FGF14: variants seen among roughly 807,000 people sequenced by gnomAD.
FGF14 encodes fibroblast growth factor homologous factor 4.
FGF14 carries 5 observed loss-of-function variants against 25.5 expected under a neutral mutation model. The observed-to-expected ratio is 0.20, with a 90% confidence interval of 0.10 to 0.41. The LOEUF is 0.41. FGF14 is among the 10% of genes least tolerant of loss of function. The pLI, the probability that FGF14 is intolerant of heterozygous loss-of-function variation, is 1.00. For synonymous variants in FGF14, 138 were observed against 118.3 expected, an observed-to-expected ratio of 1.17 and a Z score of -1.08; for missense variants, 222 against 320.1, an observed-to-expected ratio of 0.69 and a Z score of 2.34.
At chr13:102,148,215 GA>G (rs34933122) in intron 1 of FGF14, among the ~76,000 whole-genome samples, 33 of 151,836 alleles carry the variant, frequency 2.2e-4, no homozygotes, top group Non-Finnish European at 3.2e-4. Flanking sequence ...AACTTGGGGG[GA>G]AAAAAAGTCA....
At chr13:101,791,668 C>G (rs1319591458) in intron 3 of FGF14, among the ~76,000 whole-genome samples, 1 of 152,164 alleles carries the variant, frequency 6.6e-6, no homozygotes, top group Non-Finnish European at 1.5e-5. Flanking sequence ...ACCAAGATCA[C>G]TCAAGATGAC....
intron 1 of FGF14, among the ~76,000 whole-genome samples, chr13:102,318,224 C>G (rs1224110107): frequency 1.3e-5 from 2 of 152,130 alleles, no homozygotes; most frequent in African/African-American, 4.8e-5. Flanking sequence ...CTGGAAGGAG[C>G]CAGAATTCAG....
intron 1 of FGF14, among the ~76,000 whole-genome samples, chr13:102,117,847 C>G (rs1326954742): frequency 6.6e-6 from 1 of 152,062 alleles, no homozygotes; most frequent in African/African-American, 2.4e-5. Context: ...CAAAAAGAAA[C>G]AGTGGCAGTA....
At chr13:101,882,276 A>G (rs1042345736) in intron 1 of FGF14, among the ~76,000 whole-genome samples, 1 of 152,126 alleles carries the variant, frequency 6.6e-6, no homozygotes, top group African/African-American at 2.4e-5. Context: ...GACCGTATTA[A>G]TTTGTTCTTC....
chr13:101,788,843 T>C (rs1402250370), intron 3 of FGF14, among the ~76,000 whole-genome samples: 1 of 139,634 alleles, frequency 7.2e-6, no homozygotes, highest in African/African-American at 2.6e-5. Context: ...GAAATCCTAA[T>C]TCTTTAATGT....
intron 3 of FGF14, among the ~76,000 whole-genome samples, chr13:101,861,780 C>T (rs773672717): frequency 1.3e-5 from 2 of 152,042 alleles, no homozygotes; most frequent in Admixed American, 6.6e-5. Flanking sequence ...ACAAATGTTT[C>T]GTAGTTTTCA....
At chr13:102,362,331 A>T (rs2057590310) in intron 1 of FGF14, among the ~76,000 whole-genome samples, 1 of 152,118 alleles carries the variant, frequency 6.6e-6, no homozygotes, top group African/African-American at 2.4e-5. Flanking sequence ...TTATTATTCA[A>T]GCCTATGTCA....
At chr13:102,190,745 T>G (rs2049088846) in intron 1 of FGF14, among the ~76,000 whole-genome samples, 1 of 152,136 alleles carries the variant, frequency 6.6e-6, no homozygotes, top group Non-Finnish European at 1.5e-5. Flanking sequence ...CTTCCAAATA[T>G]CTGCTCCTCC....
intron 1 of FGF14, among the ~76,000 whole-genome samples, chr13:102,086,082 G>C (rs1474343644): frequency 6.6e-6 from 1 of 152,200 alleles, no homozygotes; most frequent in African/African-American, 2.4e-5. Flanking sequence ...TTAATTAACA[G>C]AAGGGCACTA....
chr13:101,731,250 A>C (rs1594058424), intron 3 of FGF14, among the ~76,000 whole-genome samples: 2 of 152,176 alleles, frequency 1.3e-5, no homozygotes, highest in East Asian at 3.9e-4. Flanking sequence ...GATAATATGA[A>C]AATGCTTATT....
intron 1 of FGF14, among the ~76,000 whole-genome samples, chr13:102,060,710 G>A (rs1460941286): frequency 6.6e-6 from 1 of 152,154 alleles, no homozygotes; most frequent in Non-Finnish European, 1.5e-5. Flanking sequence ...AGTTGGGGGA[G>A]CAGGGAAGTG....
chr13:102,041,666 C>T (rs2041750272), intron 1 of FGF14, among the ~76,000 whole-genome samples: 1 of 151,764 alleles, frequency 6.6e-6, no homozygotes, highest in African/African-American at 2.4e-5. Flanking sequence ...AGAGTGTGCA[C>T]AGCAATGACT....
chr13:102,117,468 G>C (rs886678912), intron 1 of FGF14, among the ~76,000 whole-genome samples: 2 of 152,180 alleles, frequency 1.3e-5, no homozygotes, highest in African/African-American at 4.8e-5. Context: ...CGGCTTCGTA[G>C]AGGAATCACT....
chr13:102,280,073 T>C (rs2053752205), intron 1 of FGF14, among the ~76,000 whole-genome samples: 1 of 152,200 alleles, frequency 6.6e-6, no homozygotes, highest in Non-Finnish European at 1.5e-5. Flanking sequence ...ATCATTTAAG[T>C]ATAATGTGGA....
chr13:101,777,930 C>T (rs1454131917), intron 3 of FGF14, among the ~76,000 whole-genome samples: 2 of 152,086 alleles, frequency 1.3e-5, no homozygotes, highest in African/African-American at 4.8e-5. Flanking sequence ...CACCATTGCA[C>T]TCCAGCCTGG....
At chr13:102,401,567 T>C (rs1452185863) in exon 1 of FGF14, 4 of 1,614,214 alleles carry the variant, frequency 2.5e-6, no homozygotes, top group Non-Finnish European at 3.4e-6. Flanking sequence ...CACATTGATT[T>C]GGGCGAAAAG....
rs530190693 is a variant in FGF14 at position 102,050,600 on chromosome 13, G to A, written c.209-175304C>T. ...TTCCTTAAGACTCAATGTAAATGGT[G>A]GACTACACCAAGTCACCAAGATGTC... On this transcript the variant is annotated intron_variant, in intron 1 of 4. Coordinates refer to the FGF14 transcript ENST00000376131. Among the ~76,000 whole-genome samples, 16 of 152,144 alleles carry A rather than the reference G, an allele frequency of 1.1e-4. No individual in the cohort carries two copies. In the South Asian group the frequency reaches 3.3e-3, roughly 32 times the overall value.
In FGF14 at chr13:101,718,932, A is replaced by G. The variant is rs1049116086; in HGVS notation, c.*3899T>C. On this transcript the variant is annotated 3_prime_UTR_variant, in exon 5 of 5. Coordinates refer to ENST00000376143, the MANE Select transcript of FGF14 (RefSeq NM_004115.4). ...TCAGCTATGACTACTATTTCACTCA[A>G]AGTAAGACCATGTACATCCTGGATT... 6.6e-6 allele frequency: 1 copy of G among 152,088 alleles called. No homozygotes were observed. Among genetic ancestry groups the G allele is most frequent in the African/African-American group, 2.4e-5 (1 of 41,426 alleles). 9.4% of individuals were successfully genotyped at this position (152,088 alleles called of 1,614,324 possible). A position where few individuals can be genotyped will look rare whatever the true frequency, so the allele number is the denominator to read the frequency against.
At chr13:102,308,469 T>C (rs767911146) in intron 1 of FGF14, among the ~76,000 whole-genome samples, 1 of 152,124 alleles carries the variant, frequency 6.6e-6, no homozygotes, top group Non-Finnish European at 1.5e-5. Flanking sequence ...AGTAACACAT[T>C]TGGGTAACAC....
Sources: gnomAD v4.1 joint callset for allele counts (sites outside exome capture counted in the v4.1 genomes callset) on GRCh38, gnomAD v4.1.1 for gene constraint, MANE v1.5 for transcripts, NCBI Gene and HGNC (gene_info 2026-07-23, HGNC 2026-07-21) for gene names.